CSTPP1: variants seen among roughly 807,000 people sequenced by gnomAD.
CSTPP1 encodes the protein centriolar satellite-associated tubulin polyglutamylase complex regulator 1.
the CSTPP1 span, among the ~76,000 whole-genome samples, chr11:47,148,400 C>G: frequency 6.6e-6 from 1 of 151,920 alleles, no homozygotes; most frequent in Non-Finnish European, 1.5e-5. Context: ...TTGCGGACAC[C>G]CTTCAGCCAC....
At chr11:47,159,991 CG>C in the CSTPP1 span, 11 of 290,704 alleles carry the variant, frequency 3.8e-5, no homozygotes, top group African/African-American at 1.8e-4. Flanking sequence ...ACAACAAGAG[CG>C]AAACTCCATC....
At chr11:47,083,222 T>C in the CSTPP1 span, among the ~76,000 whole-genome samples, 34 of 152,336 alleles carry the variant, frequency 2.2e-4, no homozygotes, top group South Asian at 6.2e-3. Flanking sequence ...TCTCATTCCT[T>C]TTTATGGCTG....
chr11:46,987,060 G>A, the CSTPP1 span: 4 of 689,310 alleles, frequency 5.8e-6, no homozygotes, highest in African/African-American at 7.0e-5. Flanking sequence ...CAGCAAGTTT[G>A]CTTTGCCTAT....
chr11:47,106,696 C>A, the CSTPP1 span, among the ~76,000 whole-genome samples: 1 of 151,818 alleles, frequency 6.6e-6, no homozygotes, highest in Admixed American at 6.6e-5. Flanking sequence ...AACTCAGGGA[C>A]CTTACTTGGT....
chr11:46,969,767 CATA>C, the CSTPP1 span, among the ~76,000 whole-genome samples: 1 of 152,018 alleles, frequency 6.6e-6, no homozygotes, highest in Non-Finnish European at 1.5e-5. Flanking sequence ...ACCCCACAAA[CATA>C]ATGTTTTTTT....
chr11:47,002,955 A>G, the CSTPP1 span, among the ~76,000 whole-genome samples: 2 of 152,230 alleles, frequency 1.3e-5, no homozygotes, highest in African/African-American at 2.4e-5. Context: ...AATCAAGTAC[A>G]CTCACACGAG....
the CSTPP1 span, among the ~76,000 whole-genome samples, chr11:46,962,286 T>C: frequency 9.2e-5 from 14 of 152,318 alleles, no homozygotes; most frequent in African/African-American, 3.1e-4. Context: ...TTATATTTCA[T>C]TGGTTTCTAT....
At chr11:47,080,251 C>G in the CSTPP1 span, among the ~76,000 whole-genome samples, 1 of 151,920 alleles carries the variant, frequency 6.6e-6, no homozygotes, top group African/African-American at 2.4e-5. Flanking sequence ...GTCAGGAGAT[C>G]GAGACCATCC....
At chr11:46,964,283 C>G in the CSTPP1 span, among the ~76,000 whole-genome samples, 3 of 145,042 alleles carry the variant, frequency 2.1e-5, no homozygotes, top group South Asian at 2.1e-4. Flanking sequence ...TCTTCTCTCT[C>G]TCTCTCTTTT....
chr11:47,097,091 G>T, the CSTPP1 span, among the ~76,000 whole-genome samples: 1 of 144,170 alleles, frequency 6.9e-6, no homozygotes, highest in East Asian at 2.1e-4. Flanking sequence ...CCCCGTCCGG[G>T]AGGGAGGTAG....
chr11:46,966,868 T>G, the CSTPP1 span, among the ~76,000 whole-genome samples: 1 of 152,124 alleles, frequency 6.6e-6, no homozygotes, highest in African/African-American at 2.4e-5. Flanking sequence ...ATATGCAAAC[T>G]GGGGTGGCTT....
chr11:47,153,870 G>A, the CSTPP1 span, among the ~76,000 whole-genome samples: 1 of 152,136 alleles, frequency 6.6e-6, no homozygotes, highest in Admixed American at 6.6e-5. Flanking sequence ...TGATCCAGTT[G>A]CCAGTCTGGG....
chr11:47,027,934 T>TC, the CSTPP1 span, among the ~76,000 whole-genome samples: 1 of 150,192 alleles, frequency 6.7e-6, no homozygotes, highest in African/African-American at 2.4e-5. Flanking sequence ...TTTCTTTTTT[T>TC]TTTTTTTGAG....
the CSTPP1 span, among the ~76,000 whole-genome samples, chr11:47,139,043 CA>C: frequency 8.0e-6 from 1 of 125,458 alleles, no homozygotes; most frequent in Non-Finnish European, 1.6e-5. Flanking sequence ...GGACGTACAG[CA>C]AAAATCATGT....
At chr11:47,069,394 C>T in the CSTPP1 span, among the ~76,000 whole-genome samples, 1 of 152,122 alleles carries the variant, frequency 6.6e-6, no homozygotes, top group Non-Finnish European at 1.5e-5. Flanking sequence ...GATTTTGTAG[C>T]CCAAAACGTA....
chr11:47,009,821 G>GA, the CSTPP1 span, among the ~76,000 whole-genome samples: 50 of 142,090 alleles, frequency 3.5e-4, no homozygotes, highest in African/African-American at 1.1e-3. Context: ...GTCTCAAAAA[G>GA]AAAAAAAAAA....
the CSTPP1 span, among the ~76,000 whole-genome samples, chr11:47,093,936 G>C: frequency 6.6e-6 from 1 of 152,148 alleles, no homozygotes; most frequent in Non-Finnish European, 1.5e-5. Context: ...AAGGAACCAG[G>C]GATGTTAAAC....
the CSTPP1 span, among the ~76,000 whole-genome samples, chr11:47,068,525 C>T: frequency 2.0e-5 from 3 of 151,906 alleles, no homozygotes. Flanking sequence ...GAGCAAGACT[C>T]CATCTCAAAA....
the CSTPP1 span, among the ~76,000 whole-genome samples, chr11:47,087,688 A>C: frequency 1.3e-5 from 2 of 152,026 alleles, no homozygotes; most frequent in Non-Finnish European, 2.9e-5. Flanking sequence ...ACATGGCGAG[A>C]CTCAAATATA....
Sources: gnomAD v4.1 joint callset for allele counts (sites outside exome capture counted in the v4.1 genomes callset) on GRCh38, gnomAD v4.1.1 for gene constraint, MANE v1.5 for transcripts, NCBI Gene and HGNC (gene_info 2026-07-23, HGNC 2026-07-21) for gene names.